Variants in ESR1 observed in about 807,000 individuals in gnomAD.
The protein encoded by ESR1 is estrogen receptor.
In ESR1, 12 loss-of-function variants were observed where a neutral mutation model predicts 52.7. The ratio of observed to expected loss-of-function variants is 0.23; its 90% CI spans 0.15 to 0.37. ESR1 has a LOEUF of 0.37. Among genes scored for constraint, ESR1 ranks in the 10% least tolerant of loss-of-function variants. The probability of loss-of-function intolerance (pLI) is 1.00; values close to 1 mark genes in which losing one functional copy is unlikely to be tolerated. For missense variants in ESR1, 584 were observed against 779.7 expected (o/e 0.75, Z 2.99); for synonymous variants, 305 against 316.8 (o/e 0.96, Z 0.39).
At chr6:151,903,115 G>A (rs938979147) in intron 3 of ESR1, among the ~76,000 whole-genome samples, 2 of 152,086 alleles carry the variant, frequency 1.3e-5, no homozygotes, top group African/African-American at 2.4e-5. Flanking sequence ...ATTTTGTCCC[G>A]TATGCCTCCC....
intron 4 of ESR1, among the ~76,000 whole-genome samples, chr6:151,966,898 T>C (rs2038332024): frequency 6.6e-6 from 1 of 152,212 alleles, no homozygotes; most frequent in African/African-American, 2.4e-5. Context: ...TCTTTTGTTC[T>C]ATCCCTCACT....
chr6:151,715,150 T>G (rs1378286699), intron 2 of ESR1, among the ~76,000 whole-genome samples: 1 of 152,240 alleles, frequency 6.6e-6, no homozygotes, highest in East Asian at 1.9e-4. Context: ...TCTTTAAGAA[T>G]GTTGAATATT....
intron 1 of ESR1, 131 bp downstream of exon 1, chr6:151,808,495 GAGCCCGGGGCGCGCGGCCC>G: frequency 1.3e-6 from 1 of 765,420 alleles, no homozygotes; most frequent in Non-Finnish European, 1.8e-6. Flanking sequence ...TGCGCGCAGG[GAGCCCGGGGCGCGCGGCCC>G]AGCCCGGGGG....
At chr6:151,663,869 T>C (rs1562316639) in intron 1 of ESR1, among the ~76,000 whole-genome samples, 1 of 152,130 alleles carries the variant, frequency 6.6e-6, no homozygotes, top group Non-Finnish European at 1.5e-5. Context: ...AAAGGTGAAA[T>C]GAGTTAATTC....
chr6:152,058,267 C>T (rs1440170709), intron 5 of ESR1, among the ~76,000 whole-genome samples: 1 of 152,096 alleles, frequency 6.6e-6, no homozygotes, highest in Non-Finnish European at 1.5e-5. Flanking sequence ...ATGTTCTCCC[C>T]ACTCAATGCC....
At chr6:151,680,822 A>G (rs181652372) in intron 1 of ESR1, among the ~76,000 whole-genome samples, 37 of 152,258 alleles carry the variant, frequency 2.4e-4, no homozygotes, top group Admixed American at 1.9e-3. Context: ...GGCACATGGT[A>G]GGTGCTCAGG....
chr6:151,686,064 A>ATTTTTTTTTTTTTTTTTTTTTTTT (rs557270210), upstream of ESR1, among the ~76,000 whole-genome samples: 47 of 114,328 alleles, frequency 4.1e-4, no homozygotes, highest in African/African-American at 1.8e-3. Flanking sequence ...AATTAAAACA[A>ATTTTTTTTTTTTTTTTTTTTTTTT]TTTTTTTTTT....
intron 6 of ESR1, among the ~76,000 whole-genome samples, chr6:152,077,554 A>G (rs1474396140): frequency 6.6e-6 from 1 of 152,208 alleles, no homozygotes; most frequent in African/African-American, 2.4e-5. Flanking sequence ...GAAAAGCCAC[A>G]GACACTCAAC....
rs191016482 is a variant in ESR1 at position 152,016,237 on chromosome 6, T to C, written c.1235+4443T>C. Among the ~76,000 whole-genome samples, 630 of 152,264 alleles carry C rather than the reference T, an allele frequency of 4.1e-3. 7 individuals are homozygous for C. Among genetic ancestry groups the C allele is most frequent in the African/African-American group, 0.014 (602 of 41,554 alleles). On this transcript the variant is annotated intron_variant, in intron 5 of 7. Transcript: ENST00000206249. ...GAACTCTGAGTCAATTAAACCTCTT[T>C]CTTTTATATATTACCCAGTCTCAAG...
At chr6:151,966,179 C>A (rs1584518749) in intron 4 of ESR1, among the ~76,000 whole-genome samples, 1 of 152,294 alleles carries the variant, frequency 6.6e-6, no homozygotes, top group East Asian at 1.9e-4. Flanking sequence ...CTTTCAAATT[C>A]TTTCCCCTTC....
intron 4 of ESR1, among the ~76,000 whole-genome samples, chr6:152,004,375 C>A (rs1197046076): frequency 6.6e-6 from 1 of 151,934 alleles, no homozygotes; most frequent in Admixed American, 6.6e-5. Context: ...GACTTGAAAC[C>A]AGTTTTGTCT....
At chr6:151,762,853 A>G (rs1429281481) in intron 2 of ESR1, among the ~76,000 whole-genome samples, 1 of 152,066 alleles carries the variant, frequency 6.6e-6, no homozygotes, top group Non-Finnish European at 1.5e-5. Flanking sequence ...AGTCCCAGCT[A>G]TTCAGGAGGC....
At chr6:151,855,666 G>T (rs766402940) in intron 2 of ESR1, among the ~76,000 whole-genome samples, 1 of 152,176 alleles carries the variant, frequency 6.6e-6, no homozygotes, top group African/African-American at 2.4e-5. Context: ...CAAGGTGAAA[G>T]GTTGTGATAA....
intron 5 of ESR1, among the ~76,000 whole-genome samples, chr6:152,048,017 T>G (rs1271603249): frequency 2.7e-5 from 4 of 148,304 alleles, no homozygotes; most frequent in African/African-American, 1.0e-4. Context: ...TCTCTCTTCT[T>G]GGCACACTCT....
intron 3 of ESR1, among the ~76,000 whole-genome samples, chr6:151,888,763 CTT>C (rs140940215): frequency 0.02 from 3,074 of 152,154 alleles, 55 homozygotes; most frequent in South Asian, 0.085. Context: ...TAGGGGAAGA[CTT>C]TTCAAATTTT....
At chr6:151,891,252 C>T (rs1485754665) in intron 3 of ESR1, among the ~76,000 whole-genome samples, 2 of 152,160 alleles carry the variant, frequency 1.3e-5, no homozygotes, top group African/African-American at 4.8e-5. Flanking sequence ...CCACGTCTCA[C>T]CTTACCTTGA....
chr6:151,689,611 C>T (rs992860780), upstream of ESR1, among the ~76,000 whole-genome samples: 3 of 152,106 alleles, frequency 2.0e-5, no homozygotes, highest in Admixed American at 2.0e-4. Flanking sequence ...CTTTCCCATG[C>T]CAGTTTTGAG....
chr6:151,786,153 A>G (rs1200214354), intron 2 of ESR1, among the ~76,000 whole-genome samples: 1 of 152,210 alleles, frequency 6.6e-6, no homozygotes, highest in Non-Finnish European at 1.5e-5. Context: ...TGACTTTGAC[A>G]TAATTTTAAC....
intron 2 of ESR1, among the ~76,000 whole-genome samples, chr6:151,712,736 G>C (rs1780720466): frequency 2.0e-5 from 3 of 152,106 alleles, no homozygotes; most frequent in Non-Finnish European, 4.4e-5. Flanking sequence ...GGAGATTTTG[G>C]GTTGAGATGA....
Sources: allele counts gnomAD v4.1 joint callset (sites outside exome capture counted in the v4.1 genomes callset), GRCh38; gene constraint gnomAD v4.1.1; transcripts MANE v1.5; gene names NCBI Gene and HGNC (gene_info 2026-07-23, HGNC 2026-07-21).